The following SLC22A23 variants were observed in gnomAD, a reference collection of about 807,000 sequenced individuals.
SLC22A23 encodes solute carrier family 22 member 23, also known as ion transporter protein.
SLC22A23 carries 26 observed loss-of-function variants against 61.0 expected under a neutral mutation model. That is an observed-to-expected ratio of 0.43 (90% CI 0.31 to 0.59). The LOEUF (loss-of-function observed/expected upper bound fraction) is 0.59, where lower values mean the gene tolerates loss of function less well. Ranked by LOEUF, SLC22A23 falls within the 20% of genes least tolerant of loss-of-function variation. The pLI is 0.11. For missense variants in SLC22A23, 796 were observed against 934.7 expected (o/e 0.85, Z 1.94); for synonymous variants, 430 against 413.9 (o/e 1.04, Z -0.47).
At position 3,309,340 on chromosome 6, in the gene SLC22A23, A is replaced by AT. The variant is rs1762210969; in HGVS notation, c.1083-11123dup. Among the ~76,000 whole-genome samples the AT allele has an allele frequency of 6.6e-6, 1 of 152,176 alleles. No individual in the cohort carries two copies. The highest frequency in any genetic ancestry group is 1.5e-5 in the Non-Finnish European group (1 of 68,030). On this transcript the variant is annotated intron_variant, in intron 4 of 9. Transcript: ENST00000406686. The surrounding 1 kb of genome is among the most constrained non-coding windows in gnomAD (Gnocchi z 4.7). Reference sequence around the variant, plus strand: ...ACATGAAAAGAGCCAAGAATTCGAAATTAAGTAAAAGGGGTCTCTAATTAA... The same window carrying AT: ...ACATGAAAAGAGCCAAGAATTCGAAATTTAAGTAAAAGGGGTCTCTAATTAA...
At chr6:3,305,189 T>C (rs1037446343) in intron 4 of SLC22A23, among the ~76,000 whole-genome samples, 1 of 152,160 alleles carries the variant, frequency 6.6e-6, no homozygotes, top group Non-Finnish European at 1.5e-5. Context: ...ATCTTACAGA[T>C]AGCAAAATTC....
Position 3,288,896 on chromosome 6 carries a change from A to C in SLC22A23, c.1313+868T>G, listed in dbSNP as rs554825599. 3.9e-5 allele frequency among the ~76,000 whole-genome samples: 6 copies of C among 152,314 alleles called. No individual in the cohort carries two copies. The East Asian group carries it at 5.8e-4, about 15-fold the overall frequency. The stretch of plus-strand genomic sequence containing the variant: ...AGTAGAGCCTCTTGTACTCCTCACA[A>C]ATCAATTTCAACCCAGAACCCCAAT... On this transcript the variant is annotated intron_variant, in intron 6 of 9. Transcript: ENST00000406686.
chr6:3,323,946 C>G lies in SLC22A23; in HGVS notation c.970G>C (p.Val324Leu). 1 of 1,614,224 alleles carries G rather than the reference C, an allele frequency of 6.2e-7. No individual in the cohort carries two copies. Among genetic ancestry groups the G allele is most frequent in the Non-Finnish European group, 8.5e-7 (1 of 1,180,050 alleles). The change falls in exon 4 of 10, where the codon GTG (valine) becomes CTG (leucine). Residue 324 changes from valine (V) to leucine (L), a missense_variant. Transcript: ENST00000406686. The part of the protein sequence containing the change: ...RFMITMVASF[V>L]AMAGQFLMPG... ...ATGAGGAACTGGCCCGCCATGGCCA[C>G]GAAGCTCGCCACCATCGTAATCATG...
intron 9 of SLC22A23, chr6:3,282,115 A>G (rs1759522683): frequency 1.5e-6 from 1 of 678,390 alleles, no homozygotes; most frequent in African/African-American, 1.8e-5. Flanking sequence ...ATAATCATGC[A>G]AAGGCTGCAG....
Position 3,273,006 on chromosome 6 carries a change from T to A in SLC22A23, c.*49A>T. The A allele has an allele frequency of 6.8e-7, 1 of 1,476,648 alleles. No homozygotes were observed. The highest frequency in any genetic ancestry group is 9.0e-7 in the Non-Finnish European group (1 of 1,110,618). The allele number at this position is 1,476,648 out of a possible 1,614,324, so 91.5% of individuals were successfully genotyped here. A position where few individuals can be genotyped will look rare whatever the true frequency, so the allele number is the denominator to read the frequency against. On this transcript the variant is annotated 3_prime_UTR_variant, in exon 10 of 10. Coordinates refer to ENST00000406686, the MANE Select transcript of SLC22A23 (RefSeq NM_015482.2). ...GTGTTCGGTCCCTGGTCTGTAAACC[T>A]GTGCCCAAGCTGCCCCAGACCCTGG...
chr6:3,397,939 A>G (rs1467496267), intron 3 of SLC22A23, among the ~76,000 whole-genome samples: 2 of 152,230 alleles, frequency 1.3e-5, no homozygotes, highest in Non-Finnish European at 2.9e-5. Flanking sequence ...GGAGCAAATG[A>G]CCAAGAATGG....
chr6:3,445,640 C>G (rs546698268), intron 1 of SLC22A23, among the ~76,000 whole-genome samples: 2 of 152,224 alleles, frequency 1.3e-5, no homozygotes, highest in South Asian at 2.1e-4. Flanking sequence ...GATAAGGGGA[C>G]AGCTGGTTGC....
chr6:3,419,732 G>A (rs74747688), intron 1 of SLC22A23, among the ~76,000 whole-genome samples: 1,931 of 152,246 alleles, frequency 0.013, 40 homozygotes, highest in African/African-American at 0.04. Flanking sequence ...CCAGAGGCCC[G>A]TTTACAGTTG....
intron 3 of SLC22A23, among the ~76,000 whole-genome samples, chr6:3,367,524 T>A (rs1765914384): frequency 6.6e-6 from 1 of 152,202 alleles, no homozygotes; most frequent in African/African-American, 2.4e-5. Context: ...GTGACTGAGA[T>A]GCATCTGGGT....
intron 4 of SLC22A23, among the ~76,000 whole-genome samples, chr6:3,310,277 C>T (rs1185312358): frequency 6.8e-6 from 1 of 147,212 alleles, no homozygotes. Context: ...CACTGGAGCA[C>T]CCTGTCTCCC....
chr6:3,380,601 A>G (rs2127474103), intron 3 of SLC22A23, among the ~76,000 whole-genome samples: 1 of 152,286 alleles, frequency 6.6e-6, no homozygotes, highest in South Asian at 2.1e-4. Context: ...CCCAAAGTCA[A>G]CACTAACATC....
At chr6:3,403,657 G>A (rs1250360256) in intron 3 of SLC22A23, among the ~76,000 whole-genome samples, 1 of 152,148 alleles carries the variant, frequency 6.6e-6, no homozygotes, top group Non-Finnish European at 1.5e-5. Flanking sequence ...ACATCTAGGG[G>A]GGTAAGAGGA....
rs997910684 is a variant in SLC22A23 at position 3,439,431 on chromosome 6, C to A, written c.654+16475G>T. The stretch of plus-strand genomic sequence containing the variant: ...CCTGGACGAAGATGGGCCCGTTCCA[C>A]GTGAAGAAAAGGCTCTGTGACCTAC... On this transcript the variant is annotated intron_variant, in intron 1 of 9. Transcript: ENST00000406686. 19 of 375,368 alleles carry A rather than the reference C, an allele frequency of 5.1e-5. No individual in the cohort carries two copies. The East Asian group carries it at 1.3e-3, about 25-fold the overall frequency. The allele number at this position is 375,368 out of a possible 1,614,324, so 23.3% of individuals were successfully genotyped here.
intron 3 of SLC22A23, among the ~76,000 whole-genome samples, chr6:3,349,703 C>A (rs371677618): frequency 6.6e-6 from 1 of 152,210 alleles, no homozygotes; most frequent in South Asian, 2.1e-4. Flanking sequence ...TTAAATATCA[C>A]TGAATCTCAG....
At chr6:3,300,316 A>T (rs1761506742) in intron 4 of SLC22A23, among the ~76,000 whole-genome samples, 1 of 151,918 alleles carries the variant, frequency 6.6e-6, no homozygotes, top group Admixed American at 6.6e-5. Context: ...GACTCAGGAG[A>T]GTTTTAAAAT....
chr6:3,410,317 A>C lies in SLC22A23; in HGVS notation c.784T>G (p.Phe262Val). ...AAGATCAGAATGAAGATGATGGAAA[A>C]CAGCAGCACAGGCCGCCGGCCGACC... The part of the protein sequence containing the change: ...DWVGRRPVLL[F>V]SIIFILIFGL... The change falls in exon 3 of 10, where the codon TTT (phenylalanine) becomes GTT (valine). Residue 262 changes from phenylalanine to valine, a missense_variant. Coordinates refer to ENST00000406686, the MANE Select transcript of SLC22A23 (RefSeq NM_015482.2). This position sits in a 1 kb window ranked among gnomAD's most constrained non-coding sequence, Gnocchi z 5.0. 6.2e-7 allele frequency: 1 copy of C among 1,612,280 alleles called. No individual in the cohort carries two copies. Among genetic ancestry groups the C allele is most frequent in the Non-Finnish European group, 8.5e-7 (1 of 1,179,418 alleles).
rs1202458637 is a variant in SLC22A23, at chr6:3,270,888, C to CTT, written c.*2165_*2166dup. 6.6e-6 allele frequency: 1 copy of CTT among 152,052 alleles called. No individual in the cohort carries two copies. Among genetic ancestry groups the CTT allele is most frequent in the Non-Finnish European group, 1.5e-5 (1 of 68,028 alleles). 9.4% of individuals were successfully genotyped at this position (152,052 alleles called of 1,614,324 possible). ...GTGAGACTGCTCGCAACTTTCATCACTTAGCATATCCTTCCACAACACAGT... is the reference window on the plus strand; with the variant it reads ...GTGAGACTGCTCGCAACTTTCATCACTTTTAGCATATCCTTCCACAACACAGT... On this transcript the variant is annotated 3_prime_UTR_variant, in exon 10 of 10. Transcript: ENST00000406686.
intron 1 of SLC22A23, among the ~76,000 whole-genome samples, chr6:3,447,360 T>G (rs1255437802): frequency 6.6e-6 from 1 of 152,190 alleles, no homozygotes; most frequent in African/African-American, 2.4e-5. Context: ...GTTGTTGTTG[T>G]TCTAGTCTCT....
In SLC22A23 at chr6:3,269,202, TG is replaced by T. The variant is rs1016125165; in HGVS notation, c.*3852del. ...CCCCGTCTCTCAGGTGGTCTGAGAG[TG>T]GCACTTGGTAAACAGTGTGTGTTTA... On this transcript the variant is annotated 3_prime_UTR_variant, in exon 10 of 10. Coordinates refer to ENST00000406686, the MANE Select transcript of SLC22A23 (RefSeq NM_015482.2). 2 of 152,098 alleles carry T rather than the reference TG, an allele frequency of 1.3e-5. No individual in the cohort carries two copies. Among genetic ancestry groups the T allele is most frequent in the African/African-American group, 4.8e-5 (2 of 41,360 alleles). 9.4% of individuals were successfully genotyped at this position (152,098 alleles called of 1,614,324 possible).
Sources: allele counts gnomAD v4.1 joint callset (sites outside exome capture counted in the v4.1 genomes callset), GRCh38; gene constraint gnomAD v4.1.1; non-coding constraint Gnocchi (gnomAD v3.1); transcripts MANE v1.5; gene names NCBI Gene and HGNC (gene_info 2026-07-23, HGNC 2026-07-21).